The following RAB39A variants were observed in gnomAD, a reference collection of about 807,000 sequenced individuals.
RAB39A encodes ras-related protein Rab-39A.
In RAB39A, 17 loss-of-function variants were observed where a neutral mutation model predicts 20.9. The ratio of observed to expected loss-of-function variants is 0.81; its 90% CI spans 0.56 to 1.22. The LOEUF is 1.22. Among genes scored for constraint, RAB39A ranks in the 50% most tolerant of loss-of-function variants. The pLI is 0.00. For synonymous variants in RAB39A, 99 were observed against 103.4 expected (o/e 0.96, Z 0.26); for missense variants, 234 against 270.5 (o/e 0.87, Z 0.95).
At chr11:107,941,930 C>G (rs758443308) in intron 1 of RAB39A, among the ~76,000 whole-genome samples, 2 of 151,798 alleles carry the variant, frequency 1.3e-5, no homozygotes, top group Non-Finnish European at 2.9e-5. Context: ...GAAACCCTGT[C>G]TCTACTGAAA....
chr11:107,934,751 A>C (rs1047539870), intron 1 of RAB39A, among the ~76,000 whole-genome samples: 1 of 151,844 alleles, frequency 6.6e-6, no homozygotes, highest in African/African-American at 2.4e-5. Context: ...AACATGGTGA[A>C]ACCCCCATCT....
intron 1 of RAB39A, among the ~76,000 whole-genome samples, chr11:107,943,957 T>TGGTGGC (rs1861284098): frequency 6.6e-6 from 1 of 152,018 alleles, no homozygotes; most frequent in Non-Finnish European, 1.5e-5. Context: ...TAGCTGGACA[T>TGGTGGC]GGTGGCAGTT....
chr11:107,933,716 A>T lies in RAB39A; in HGVS notation c.227+4921A>T, dbSNP rs556612897. ...TTGAGATGGAGTCTTGCTCTTGTGC[A>T]GTGGCGCAATCTCGGCTCACTGCAA... is the stretch of plus-strand genomic sequence containing the variant. On this transcript the variant is annotated intron_variant, in intron 1 of 1. Coordinates refer to ENST00000320578, the MANE Select transcript of RAB39A (RefSeq NM_017516.3). Among the ~76,000 whole-genome samples, 4 of 141,228 alleles carry T rather than the reference A, an allele frequency of 2.8e-5. 1 individual carries two copies. The highest frequency in any genetic ancestry group is 1.1e-4 in the African/African-American group (4 of 37,440). The allele number at this position is 141,228 out of a possible 152,430, so 92.7% of individuals were successfully genotyped here.
intron 1 of RAB39A, among the ~76,000 whole-genome samples, chr11:107,941,932 C>G (rs1247681631): frequency 6.6e-6 from 1 of 151,840 alleles, no homozygotes; most frequent in African/African-American, 2.4e-5. Flanking sequence ...AACCCTGTCT[C>G]TACTGAAAAT....
chr11:107,960,975 C>T (rs568794723), intron 1 of RAB39A, among the ~76,000 whole-genome samples: 1 of 152,200 alleles, frequency 6.6e-6, no homozygotes, highest in East Asian at 1.9e-4. Flanking sequence ...CTTCCTCAGG[C>T]CTAGAGAAGG....
intron 1 of RAB39A, among the ~76,000 whole-genome samples, chr11:107,937,949 A>C (rs1032282550): frequency 2.6e-5 from 4 of 152,232 alleles, no homozygotes; most frequent in African/African-American, 9.6e-5. Context: ...ATTATGGGTC[A>C]GATAATGTAA....
chr11:107,942,032 G>A (rs757644934), intron 1 of RAB39A, among the ~76,000 whole-genome samples: 5 of 150,786 alleles, frequency 3.3e-5, no homozygotes, highest in African/African-American at 4.9e-5. Flanking sequence ...CTGGGAGAGG[G>A]AGGTTGCAGT....
chr11:107,933,029 A>G (rs1299136692), intron 1 of RAB39A, among the ~76,000 whole-genome samples: 1 of 152,190 alleles, frequency 6.6e-6, no homozygotes, highest in Non-Finnish European at 1.5e-5. Flanking sequence ...ATACAGTGTT[A>G]ATAAGGATAA....
At chr11:107,937,288 T>C (rs1013821943) in intron 1 of RAB39A, among the ~76,000 whole-genome samples, 11 of 151,312 alleles carry the variant, frequency 7.3e-5, no homozygotes, top group African/African-American at 2.4e-4. Flanking sequence ...GCACATGCTA[T>C]GGCACCCAGC....
chr11:107,940,973 G>GAA (rs1001159015), intron 1 of RAB39A, among the ~76,000 whole-genome samples: 4 of 145,796 alleles, frequency 2.7e-5, no homozygotes, highest in African/African-American at 1.0e-4. Context: ...GTCCATCTCA[G>GAA]AAAAAAAAAA....
chr11:107,939,633 A>T (rs1342593761), intron 1 of RAB39A, among the ~76,000 whole-genome samples: 1 of 151,962 alleles, frequency 6.6e-6, no homozygotes, highest in East Asian at 1.9e-4. Flanking sequence ...AAGAAAAAAA[A>T]AAAGGAAAAG....
chr11:107,948,012 C>G (rs1861336764), intron 1 of RAB39A, among the ~76,000 whole-genome samples: 1 of 148,020 alleles, frequency 6.8e-6, no homozygotes. Flanking sequence ...ACAAGTAAAC[C>G]AGGGGTGAAG....
intron 1 of RAB39A, among the ~76,000 whole-genome samples, chr11:107,961,359 G>T (rs943145443): frequency 6.6e-6 from 1 of 152,052 alleles, no homozygotes. Flanking sequence ...TAAGGGCACT[G>T]GTCCCATTCA....
At chr11:107,944,804 G>A (rs1245171128) in intron 1 of RAB39A, among the ~76,000 whole-genome samples, 1 of 152,212 alleles carries the variant, frequency 6.6e-6, no homozygotes, top group Non-Finnish European at 1.5e-5. Context: ...TTCAGGGGAT[G>A]TATCCCAAAG....
At chr11:107,948,720 G>A (rs1265037473) in intron 1 of RAB39A, among the ~76,000 whole-genome samples, 2 of 152,058 alleles carry the variant, frequency 1.3e-5, no homozygotes, top group Admixed American at 6.6e-5. Context: ...GATTACAAGC[G>A]TGAGCCACCG....
At chr11:107,948,158 A>G (rs1437359384) in intron 1 of RAB39A, among the ~76,000 whole-genome samples, 2 of 152,184 alleles carry the variant, frequency 1.3e-5, no homozygotes, top group Non-Finnish European at 2.9e-5. Flanking sequence ...GGAGCAGGGC[A>G]GAAGGTTGTA....
chr11:107,929,287 T>G (rs1358821677), intron 1 of RAB39A, among the ~76,000 whole-genome samples: 2 of 152,288 alleles, frequency 1.3e-5, no homozygotes, highest in East Asian at 3.9e-4. Flanking sequence ...ATGGATCCTT[T>G]AGCTTCACAG....
At chr11:107,945,441 C>T (rs1175799684) in intron 1 of RAB39A, among the ~76,000 whole-genome samples, 1 of 151,422 alleles carries the variant, frequency 6.6e-6, no homozygotes, top group African/African-American at 2.4e-5. Context: ...TTTTTCCAAC[C>T]ATAAATCCCT....
intron 1 of RAB39A, among the ~76,000 whole-genome samples, chr11:107,931,187 G>A (rs373846970): frequency 6.6e-6 from 1 of 152,102 alleles, no homozygotes; most frequent in African/African-American, 2.4e-5. Flanking sequence ...ATGTTGGTCA[G>A]GCTGGTCTTG....
Sources: allele counts gnomAD v4.1 joint callset (sites outside exome capture counted in the v4.1 genomes callset), GRCh38; gene constraint gnomAD v4.1.1; transcripts MANE v1.5; gene names NCBI Gene and HGNC (gene_info 2026-07-23, HGNC 2026-07-21).